The following MN1 variants were observed in gnomAD, a reference collection of about 807,000 sequenced individuals.
MN1 encodes MN1 proto-oncogene, transcriptional regulator, also known as transcriptional activator MN1.
Under a neutral mutation model 86.9 loss-of-function variants are expected in MN1, and 19 were observed. The observed-to-expected ratio is 0.22, with a 90% CI of 0.15 to 0.32. MN1 has a LOEUF of 0.32. Ranked by LOEUF, MN1 falls within the 10% of genes least tolerant of loss-of-function variation. The probability of loss-of-function intolerance (pLI) is 1.00; values close to 1 mark genes in which losing one functional copy is unlikely to be tolerated. For missense variants in MN1, 1,841 were observed against 1,862.0 expected, an observed-to-expected ratio of 0.99 and a Z score of 0.21; for synonymous variants, 928 against 849.6, an observed-to-expected ratio of 1.09 and a Z score of -1.60.
At position 27,771,432 on chromosome 22, in the gene MN1, G is replaced by A. The variant is rs578185123; in HGVS notation, c.3782-20336C>T. ...GTTGGTAGGGGGGTCTCACTATGTT[G>A]CCCAGGTTGGTCTCAAACTCCTGTC... On this transcript the variant is annotated intron_variant, in intron 1 of 1. Coordinates refer to ENST00000302326, the MANE Select transcript of MN1 (RefSeq NM_002430.3). 7.3e-5 allele frequency among the ~76,000 whole-genome samples: 11 copies of A among 151,630 alleles called. No individual in the cohort carries two copies. In the South Asian group the frequency reaches 2.1e-3, roughly 29 times the overall value.
At chr22:27,758,786 G>A (rs1363643209) in intron 1 of MN1, among the ~76,000 whole-genome samples, 1 of 152,178 alleles carries the variant, frequency 6.6e-6, no homozygotes, top group Non-Finnish European at 1.5e-5. Context: ...GAAGTCACAG[G>A]AGTAGAGAGC....
At chr22:27,754,862 A>G (rs1932792506) in intron 1 of MN1, among the ~76,000 whole-genome samples, 1 of 152,182 alleles carries the variant, frequency 6.6e-6, no homozygotes, top group South Asian at 2.1e-4. Context: ...CAGCACTGGC[A>G]GACATCACAG....
At position 27,749,958 on chromosome 22, in the gene MN1, C is replaced by G. The variant is rs1899745771; in HGVS notation, c.*957G>C. 1 of 232,142 alleles carries G rather than the reference C, an allele frequency of 4.3e-6. No individual in the cohort carries two copies. The highest frequency in any genetic ancestry group is 2.2e-5 in the African/African-American group (1 of 45,268). The allele number at this position is 232,142 out of a possible 1,614,324, so 14.4% of individuals were successfully genotyped here. On this transcript the variant is annotated 3_prime_UTR_variant, in exon 2 of 2. Transcript: ENST00000302326. ...AGAACAGCCTCCTCCAACTCCAGCA[C>G]CCAAGGCACGGGCAGCAGCCTTGCT... is the stretch of plus-strand genomic sequence containing the variant.
intron 1 of MN1, among the ~76,000 whole-genome samples, chr22:27,772,868 CATCATCATCATCATCATA>C (rs1237227036): frequency 6.7e-6 from 1 of 148,562 alleles, no homozygotes; most frequent in Non-Finnish European, 1.5e-5. Flanking sequence ...TCATCATCAT[CATCATCATCATCATCATA>C]ATCAAGCAGT....
Position 27,796,838 on chromosome 22 carries a change from C to G in MN1, c.3706G>C (p.Val1236Leu), listed in dbSNP as rs935251445. Reference protein sequence around the residue: ...AWYMPADKALVDSADDDKTLA... With the variant: ...AWYMPADKALLDSADDDKTLA... Reference sequence around the variant, plus strand: ...GTCTTGTCGTCGTCCGCGCTGTCCACCAGGGCCTTGTCAGCGGGCATGTAC... The same window carrying G: ...GTCTTGTCGTCGTCCGCGCTGTCCAGCAGGGCCTTGTCAGCGGGCATGTAC... Residue 1236 changes from valine (V) to leucine (L), a missense_variant, in exon 1 of 2, where the codon GTG (valine) becomes CTG (leucine). Val to Leu is a conservative substitution (Grantham distance 32). Transcript: ENST00000302326. 1.9e-6 allele frequency: 3 copies of G among 1,612,634 alleles called. No homozygotes were observed. In the Admixed American group the frequency reaches 5.0e-5, roughly 27 times the overall value.
rs3819657 is a variant in MN1, at chr22:27,764,062, G to A, written c.3782-12966C>T. Among the ~76,000 whole-genome samples, 543 of 152,314 alleles carry A rather than the reference G, an allele frequency of 3.6e-3. 20 individuals carry two copies. The East Asian group carries it at 0.085, about 24-fold the overall frequency. ...GTGTGAAACGAGGGAAGAGGAGGCTGCAAAATTCAAGTGAGGTCAGTCATG... is the reference window on the plus strand; with the variant it reads ...GTGTGAAACGAGGGAAGAGGAGGCTACAAAATTCAAGTGAGGTCAGTCATG... On this transcript the variant is annotated intron_variant, in intron 1 of 1. Coordinates refer to ENST00000302326, the MANE Select transcript of MN1 (RefSeq NM_002430.3).
chr22:27,751,695 G>T (rs1445717016), intron 1 of MN1, among the ~76,000 whole-genome samples: 1 of 152,158 alleles, frequency 6.6e-6, no homozygotes, highest in Non-Finnish European at 1.5e-5. Flanking sequence ...AGAGAGGGAA[G>T]ATGACTTGCC....
chr22:27,785,156 T>C (rs974651107), intron 1 of MN1, among the ~76,000 whole-genome samples: 12 of 151,914 alleles, frequency 7.9e-5, no homozygotes, highest in Non-Finnish European at 4.4e-5. Context: ...GAAAACAAAC[T>C]ATTTTTAAAC....
intron 1 of MN1, among the ~76,000 whole-genome samples, chr22:27,780,596 AG>A (rs1933040429): frequency 6.6e-6 from 1 of 152,188 alleles, no homozygotes; most frequent in African/African-American, 2.4e-5. Flanking sequence ...GGTGTTTAAA[AG>A]TAGAATCACC....
intron 1 of MN1, among the ~76,000 whole-genome samples, chr22:27,779,255 C>T (rs1162046799): frequency 6.6e-6 from 1 of 152,158 alleles, no homozygotes; most frequent in Non-Finnish European, 1.5e-5. Context: ...ACCAGCTATA[C>T]CGGCAGGCGC....
chr22:27,769,386 G>C (rs1033826087), intron 1 of MN1, among the ~76,000 whole-genome samples: 1 of 151,928 alleles, frequency 6.6e-6, no homozygotes, highest in Non-Finnish European at 1.5e-5. Flanking sequence ...GCCAGGACAG[G>C]ATTAAAATTC....
chr22:27,795,887 C>T (rs975026456), intron 1 of MN1, among the ~76,000 whole-genome samples: 2 of 152,156 alleles, frequency 1.3e-5, no homozygotes, highest in Admixed American at 6.5e-5. Flanking sequence ...ACCTTAAAGG[C>T]CTCCAGGCCT....
At position 27,800,154 on chromosome 22, in the gene MN1, C is replaced by T; in HGVS notation, c.390G>A (p.Gly130=). 6.4e-7 allele frequency: 1 copy of T among 1,552,832 alleles called. No individual in the cohort carries two copies. Among genetic ancestry groups the T allele is most frequent in the South Asian group, 1.2e-5 (1 of 82,422 alleles). ...GPDPGASCLH[G]GRLLGYGGAA... is the part of the protein sequence containing the mutation. ...CGCCGCCGTAGCCGAGCAGGCGACC[C>T]CCGTGCAGGCACGAGGCCCCGGGGT... Residue 130 remains glycine (G), a synonymous_variant, in exon 1 of 2, where the codon GGG becomes GGA. Coordinates refer to ENST00000302326, the MANE Select transcript of MN1 (RefSeq NM_002430.3).
chr22:27,798,883 G>C lies in MN1; in HGVS notation c.1661C>G (p.Ala554Gly), dbSNP rs1310572906. ...CGCCATCTGCTTAATCATGAGGGCC[G>C]CGTTTTGGCGCTGCTGCTGCTGCTG... is the stretch of plus-strand genomic sequence containing the variant. ...QQQQQQQRQN[A>G]ALMIKQMASR... Residue 554 changes from alanine (A) to glycine (G), a missense_variant, in exon 1 of 2, where the codon GCG becomes GGG. Ala to Gly is a moderately conservative substitution (Grantham distance 60, BLOSUM62 0). Transcript: ENST00000302326. The C allele has an allele frequency of 1.3e-6, 2 of 1,549,124 alleles. No homozygotes were observed. Among genetic ancestry groups the C allele is most frequent in the South Asian group, 2.4e-5 (2 of 84,304 alleles).
rs1200064624 is a variant in MN1, at chr22:27,800,833, G to A, written c.-290C>T. 2 of 517,620 alleles carry A rather than the reference G, an allele frequency of 3.9e-6. No individual in the cohort carries two copies. Among genetic ancestry groups the A allele is most frequent in the South Asian group, 2.3e-5 (1 of 42,902 alleles). 32.1% of individuals were successfully genotyped at this position (517,620 alleles called of 1,614,324 possible). A position where few individuals can be genotyped will look rare whatever the true frequency, so the allele number is the denominator to read the frequency against. ...CATGCCCCGGGCGGTTGTCACAGCCGCGGGTGGGTCTGCGGGGAGGGGACG... is the reference window on the plus strand; with the variant it reads ...CATGCCCCGGGCGGTTGTCACAGCCACGGGTGGGTCTGCGGGGAGGGGACG... On this transcript the variant is annotated 5_prime_UTR_variant, in exon 1 of 2. Transcript: ENST00000302326.
Position 27,799,044 on chromosome 22 carries a change from C to G in MN1, c.1500G>C (p.Pro500=). 2 of 1,611,456 alleles carry G rather than the reference C, an allele frequency of 1.2e-6. No individual in the cohort carries two copies. The highest frequency in any genetic ancestry group is 4.5e-5 in the East Asian group (2 of 44,816). Residue 500 remains proline (P), a synonymous_variant, in exon 1 of 2, where the codon CCG becomes CCC. Coordinates refer to ENST00000302326, the MANE Select transcript of MN1 (RefSeq NM_002430.3). ...CCGAAGGGAAGCTGTCGGGCACAGG[C>G]GGTGTGAACTCGCCGGGTAGGCCTG... ...AYPGLPGEFT[P]PVPDSFPSGP... is the part of the protein sequence containing the mutation.
chr22:27,780,392 C>G (rs1365457019), intron 1 of MN1, among the ~76,000 whole-genome samples: 2 of 152,206 alleles, frequency 1.3e-5, no homozygotes, highest in African/African-American at 4.8e-5. Flanking sequence ...CTTGCCCAAC[C>G]CACTTCCTGC....
At position 27,799,807 on chromosome 22, in the gene MN1, A is replaced by G; in HGVS notation, c.737T>C (p.Met246Thr). ...CCCTTCGGAGTCAGAGGGCGAAAAC[A>G]TGTCAAAATGTCCCGAGGGCGCCTC... is the stretch of plus-strand genomic sequence containing the variant. ...PGEAPSGHFD[M>T]FSPSDSEGQL... is the part of the protein sequence containing the mutation. The change falls in exon 1 of 2, where the codon ATG becomes ACG. Residue 246 changes from methionine to threonine, a missense_variant. Transcript: ENST00000302326. 1 of 1,596,094 alleles carries G rather than the reference A, an allele frequency of 6.3e-7. No homozygotes were observed. Among genetic ancestry groups the G allele is most frequent in the Non-Finnish European group, 8.5e-7 (1 of 1,169,844 alleles).
chr22:27,771,063 A>G (rs1278913512), intron 1 of MN1, among the ~76,000 whole-genome samples: 2 of 152,056 alleles, frequency 1.3e-5, no homozygotes, highest in African/African-American at 4.8e-5. Context: ...TGTGCTGAGC[A>G]CTGCATTAAG....
Sources: allele counts gnomAD v4.1 joint callset (sites outside exome capture counted in the v4.1 genomes callset), GRCh38; gene constraint gnomAD v4.1.1; transcripts MANE v1.5; gene names NCBI Gene and HGNC (gene_info 2026-07-23, HGNC 2026-07-21).